The following CSF3R variants were observed in gnomAD, a reference collection of about 807,000 sequenced individuals.
CSF3R encodes colony stimulating factor 3 receptor, also known as granulocyte colony-stimulating factor receptor.
In CSF3R, 52 loss-of-function variants were observed where a neutral mutation model predicts 84.4. The observed-to-expected ratio is 0.62, with a 90% CI of 0.49 to 0.78. The LOEUF (loss-of-function observed/expected upper bound fraction) is 0.78, where lower values mean the gene tolerates loss of function less well. Among genes scored for constraint, CSF3R ranks in the 30% least tolerant of loss-of-function variants. The probability of loss-of-function intolerance (pLI) is 0.00; values close to 1 mark genes in which losing one functional copy is unlikely to be tolerated. For synonymous variants in CSF3R, 384 were observed against 429.1 expected (o/e 0.89, Z 1.30); for missense variants, 890 against 1,055.7 (o/e 0.84, Z 2.17).
chr1:36,471,635 CA>C lies in CSF3R; in HGVS notation c.1082del (p.Leu361ArgfsTer72). On this transcript the variant is annotated frameshift_variant, in exon 10 of 17. Transcript: ENST00000373106. LOFTEE classifies it high-confidence loss of function. ...CTTGGATCCGTCCGCTGTCTTCCTCCAGGGGCACTGGCTGTGGGGCACAGGA... is the reference window on the plus strand; with the variant it reads ...CTTGGATCCGTCCGCTGTCTTCCTCCGGGGCACTGGCTGTGGGGCACAGGA... The part of the protein sequence containing the change: ...TVQLFWKPVP[L>X]EEDSGRIQGY... 1 of 1,614,180 alleles carries C rather than the reference CA, an allele frequency of 6.2e-7. No homozygotes were observed. The highest frequency in any genetic ancestry group is 1.1e-5 in the South Asian group (1 of 91,078).
Position 36,471,480 on chromosome 1 carries a change from G to T in CSF3R, c.1238C>A (p.Ser413Ter). ...AQEVALVAYNSAGTSRPTPVV... is the reference protein window; with the variant it reads ...AQEVALVAYN Reference sequence around the variant, plus strand: ...CGGAGTGGGACGAGAGGTCCCGGCTGAGTTATAGGCCACAAGGGCCACCTC... The same window carrying T: ...CGGAGTGGGACGAGAGGTCCCGGCTTAGTTATAGGCCACAAGGGCCACCTC... Residue 413 changes from serine (S) to a stop codon, truncating the protein, a stop_gained, in exon 10 of 17, where the codon TCA (serine) becomes TAA (stop). Transcript: ENST00000373106. LOFTEE classifies it high-confidence loss of function. 1.2e-6 allele frequency: 2 copies of T among 1,614,234 alleles called. No homozygotes were observed. The highest frequency in any genetic ancestry group is 1.7e-6 in the Non-Finnish European group (2 of 1,180,034).
At position 36,469,674 on chromosome 1, in the gene CSF3R, T is replaced by G. The variant is rs544773947; in HGVS notation, c.1452A>C (p.Arg484Ser). 6.2e-7 allele frequency: 1 copy of G among 1,614,172 alleles called. No homozygotes were observed. The highest frequency in any genetic ancestry group is 8.5e-7 in the Non-Finnish European group (1 of 1,180,046). ...NKTWRMEQNG[R>S]ATGFLLKENI... ...CACCCTTCAGCAGAAACCCCGTGGCTCTCCCATTCTGTTCCATCCTCCAGG... is the reference window on the plus strand; with the variant it reads ...CACCCTTCAGCAGAAACCCCGTGGCGCTCCCATTCTGTTCCATCCTCCAGG... The change falls in exon 11 of 17, where the codon AGA (arginine) becomes AGC (serine). Residue 484 changes from arginine to serine, a missense_variant. Arg to Ser is a moderately radical substitution (Grantham distance 110). Coordinates refer to ENST00000373106, the MANE Select transcript of CSF3R (RefSeq NM_000760.4).
At chr1:36,476,914 C>T (rs1651191414) in intron 3 of CSF3R, 2 of 151,986 alleles carry the variant, frequency 1.3e-5, no homozygotes, top group African/African-American at 4.8e-5. Flanking sequence ...AAGCAATCCT[C>T]CTGCTTCAGC....
intron 1 of CSF3R, among the ~76,000 whole-genome samples, chr1:36,482,530 A>G (rs1474689538): frequency 6.6e-6 from 1 of 152,116 alleles, no homozygotes; most frequent in Non-Finnish European, 1.5e-5. Flanking sequence ...AGACAGAGGC[A>G]TGGGGAGGGG....
chr1:36,469,824 T>C lies in CSF3R; in HGVS notation c.1302A>G (p.Arg434=). 2 of 1,613,674 alleles carry C rather than the reference T, an allele frequency of 1.2e-6. No individual in the cohort carries two copies. The highest frequency in any genetic ancestry group is 1.7e-6 in the Non-Finnish European group (2 of 1,179,932). Residue 434 remains arginine (R), a synonymous_variant, in exon 11 of 17, where the codon AGA becomes AGG. Transcript: ENST00000373106. The part of the protein sequence containing the change: ...FSESRGPALT[R]LHAMARDPHS... The stretch of plus-strand genomic sequence containing the variant: ...GAGGGTCTCGGGCCATGGCATGGAG[T>C]CTGGTCAGAGCTGGGCCTGGAGACA...
rs915692257 is a variant in CSF3R, at chr1:36,467,975, T to A, written c.1724-13A>T. On this transcript the variant is annotated splice_polypyrimidine_tract_variant and intron_variant, in intron 13 of 16. Coordinates refer to ENST00000373106, the MANE Select transcript of CSF3R (RefSeq NM_000760.4). The surrounding 1 kb of genome is among the most constrained non-coding windows in gnomAD (Gnocchi z 4.1). Reference sequence around the variant, plus strand: ...TTCAGGATGGCGGCTGGGAGGGGTGTACGGTCAGCATAGGCCTGGATGGTA... The same window carrying A: ...TTCAGGATGGCGGCTGGGAGGGGTGAACGGTCAGCATAGGCCTGGATGGTA... 1 of 1,614,006 alleles carries A rather than the reference T, an allele frequency of 6.2e-7. No individual in the cohort carries two copies. Among genetic ancestry groups the A allele is most frequent in the African/African-American group, 1.3e-5 (1 of 74,906 alleles).
intron 6 of CSF3R, chr1:36,473,140 T>A (rs1432687812): frequency 4.5e-6 from 2 of 449,364 alleles, no homozygotes; most frequent in Non-Finnish European, 8.0e-6. Flanking sequence ...GCATTTTTGA[T>A]GCTTTGTATC....
intron 2 of CSF3R, among the ~76,000 whole-genome samples, chr1:36,480,872 A>C (rs1651478071): frequency 6.6e-6 from 1 of 152,268 alleles, no homozygotes; most frequent in South Asian, 2.1e-4. Flanking sequence ...TGCAAATCAG[A>C]AAGAAAGCAC....
intron 12 of CSF3R, chr1:36,468,428 C>T (rs1359348140): frequency 2.0e-6 from 1 of 510,930 alleles, no homozygotes; most frequent in East Asian, 3.1e-5. Flanking sequence ...CCTGGCTCTG[C>T]TTGACTCTAA....
At position 36,466,657 on chromosome 1, in the gene CSF3R, G is replaced by A. The variant is rs376211630; in HGVS notation, c.2211C>T (p.Ser737=). Residue 737 remains serine (S), a synonymous_variant, in exon 17 of 17, where the codon TCC becomes TCT. Transcript: ENST00000373106. The surrounding 1 kb of genome is among the most constrained non-coding windows in gnomAD (Gnocchi z 4.6). ...TGCCAGACTGGGATTGGGGCTGGGTGGAAACTGCTCTTGGGTCCCCCTGGA... is the reference window on the plus strand; with the variant it reads ...TGCCAGACTGGGATTGGGGCTGGGTAGAAACTGCTCTTGGGTCCCCCTGGA... ...YVLQGDPRAV[S]TQPQSQSGTS... is the part of the protein sequence containing the mutation. The A allele has an allele frequency of 3.3e-4, 527 of 1,614,058 alleles. No individual in the cohort carries two copies. The highest frequency in any genetic ancestry group is 4.2e-4 in the Non-Finnish European group (500 of 1,180,030).
rs1224739008 is a variant in CSF3R at position 36,471,298 on chromosome 1, C to T, written c.1285+135G>A. The T allele has an allele frequency of 4.6e-5, 41 of 882,134 alleles. 1 individual carries two copies. The East Asian group carries it at 6.6e-4, about 14-fold the overall frequency. The allele number at this position is 882,134 out of a possible 1,614,324, so 54.6% of individuals were successfully genotyped here. Reference sequence around the variant, plus strand: ...CTGACCTCGGATGATCTGCCCACCTCGGCCTCCCAAAGTGCTGGGATTACA... The same window carrying T: ...CTGACCTCGGATGATCTGCCCACCTTGGCCTCCCAAAGTGCTGGGATTACA... On this transcript the variant is annotated intron_variant, in intron 10 of 16. Coordinates refer to ENST00000373106, the MANE Select transcript of CSF3R (RefSeq NM_000760.4).
intron 6 of CSF3R, chr1:36,473,008 C>T (rs3918015): frequency 0.026 from 10,701 of 419,140 alleles, 952 homozygotes; most frequent in East Asian, 0.25. Context: ...ATTAAAATAG[C>T]CAGTGCTCCC....
chr1:36,475,605 A>G lies in CSF3R; in HGVS notation c.133T>C (p.Ser45Pro). Residue 45 changes from serine (S) to proline (P), a missense_variant, in exon 4 of 17, where the codon TCC becomes CCC. Physicochemically the swap from Ser to Pro is moderately conservative, Grantham distance 74. Coordinates refer to ENST00000373106, the MANE Select transcript of CSF3R (RefSeq NM_000760.4). ...IVHLGDPITA[S>P]CIIKQNCSHL... Reference sequence around the variant, plus strand: ...CTGCAGTTCTGCTTGATGATGCAGGAGGCTGTGATGGGATCCCCCAGGTGG... The same window carrying G: ...CTGCAGTTCTGCTTGATGATGCAGGGGGCTGTGATGGGATCCCCCAGGTGG... 6.2e-7 allele frequency: 1 copy of G among 1,609,256 alleles called. No individual in the cohort carries two copies. The highest frequency in any genetic ancestry group is 8.5e-7 in the Non-Finnish European group (1 of 1,176,044).
At chr1:36,470,829 G>A (rs908796047) in intron 10 of CSF3R, among the ~76,000 whole-genome samples, 6 of 152,126 alleles carry the variant, frequency 3.9e-5, no homozygotes, top group South Asian at 4.1e-4. Flanking sequence ...GTGTGAGAGA[G>A]AGAGCTTAAC....
intron 6 of CSF3R, 22 bp downstream of exon 6, chr1:36,473,413 C>T (rs748890248): frequency 5.0e-6 from 8 of 1,612,038 alleles, no homozygotes; most frequent in Admixed American, 1.7e-5. Context: ...TGGGGATCCC[C>T]TCCCTCCCCT....
Position 36,468,120 on chromosome 1 carries a change from T to C in CSF3R, c.1678A>G (p.Thr560Ala). ...EPPELGKSPL[T>A]HYTIFWTNAQ... is the part of the protein sequence containing the mutation. ...TTGGTCCAGAAGATGGTGTAGTGGG[T>C]AAGGGGGCTCTTCCCCAGCTCAGGG... is the stretch of plus-strand genomic sequence containing the variant. Residue 560 changes from threonine (T) to alanine (A), a missense_variant, in exon 13 of 17, where the codon ACC (threonine) becomes GCC (alanine). Coordinates refer to ENST00000373106, the MANE Select transcript of CSF3R (RefSeq NM_000760.4). 6.2e-7 allele frequency: 1 copy of C among 1,613,944 alleles called. No individual in the cohort carries two copies. Among genetic ancestry groups the C allele is most frequent in the Non-Finnish European group, 8.5e-7 (1 of 1,179,958 alleles).
chr1:36,477,169 C>G (rs1273568215), intron 3 of CSF3R: 1 of 152,200 alleles, frequency 6.6e-6, no homozygotes, highest in African/African-American at 2.4e-5. Flanking sequence ...TCCAGCTAGA[C>G]TATAAATTCT....
intron 12 of CSF3R, 63 bp from the exon 13 acceptor site, chr1:36,468,284 T>C: frequency 1.3e-6 from 2 of 1,492,366 alleles, no homozygotes; most frequent in Non-Finnish European, 1.8e-6. Flanking sequence ...CCGGTTGGAC[T>C]TCTTGTGGCT....
rs1650876222 is a variant in CSF3R at position 36,473,000 on chromosome 1, T to C, written c.674-314A>G. On this transcript the variant is annotated intron_variant, in intron 6 of 16. Coordinates refer to ENST00000373106, the MANE Select transcript of CSF3R (RefSeq NM_000760.4). The surrounding 1 kb of genome is among the most constrained non-coding windows in gnomAD (Gnocchi z 5.0). ...GTGAGGCCTTTCTTGACCAGCATAT[T>C]AAAATAGCCAGTGCTCCCCTTCCCC... 2 of 429,716 alleles carry C rather than the reference T, an allele frequency of 4.7e-6. No individual in the cohort carries two copies. The highest frequency in any genetic ancestry group is 4.0e-5 in the African/African-American group (2 of 49,596). The allele number at this position is 429,716 out of a possible 1,614,324, so 26.6% of individuals were successfully genotyped here. A position where few individuals can be genotyped will look rare whatever the true frequency, so the allele number is the denominator to read the frequency against.
Sources: allele counts gnomAD v4.1 joint callset (sites outside exome capture counted in the v4.1 genomes callset), GRCh38; gene constraint gnomAD v4.1.1; non-coding constraint Gnocchi (gnomAD v3.1); transcripts MANE v1.5; gene names NCBI Gene and HGNC (gene_info 2026-07-23, HGNC 2026-07-21).